Variants in RYR3 observed in about 807,000 individuals in gnomAD.
RYR3 encodes the protein ryanodine receptor 3.
A neutral mutation model predicts 584.3 loss-of-function variants in RYR3; 207 were observed. The observed-to-expected ratio is 0.35, with a 90% confidence interval of 0.32 to 0.40. RYR3 has a LOEUF of 0.40. Ranked by LOEUF, RYR3 falls within the 10% of genes least tolerant of loss-of-function variation. The pLI is 1.00. For missense variants in RYR3, 5,616 were observed against 6,089.2 expected (o/e 0.92, Z 2.59); for synonymous variants, 2,416 against 2,248.5 (o/e 1.07, Z -2.11).
chr15:33,809,490 G>T (rs1209722172), intron 70 of RYR3, among the ~76,000 whole-genome samples: 2 of 152,048 alleles, frequency 1.3e-5, no homozygotes, highest in African/African-American at 4.8e-5. Context: ...TCACCGCCTT[G>T]TTTCCTTGAG....
rs552118691 is a variant in RYR3, at chr15:33,435,333, T to A, written c.52-38086T>A. 2.2e-3 allele frequency among the ~76,000 whole-genome samples: 323 copies of A among 149,956 alleles called. 1 individual carries two copies. Among genetic ancestry groups the A allele is most frequent in the African/African-American group, 7.3e-3 (290 of 39,458 alleles). ...ATTTTTCTGGAACTACTTTTGTTAA[T>A]GTTGTGAGTTTCACGTATAGTGATA... On this transcript the variant is annotated intron_variant, in intron 1 of 103. Coordinates refer to ENST00000634891, the MANE Select transcript of RYR3 (RefSeq NM_001036.6).
At chr15:33,464,265 T>A (rs1409986609) in intron 1 of RYR3, among the ~76,000 whole-genome samples, 1 of 151,552 alleles carries the variant, frequency 6.6e-6, no homozygotes, top group Non-Finnish European at 1.5e-5. Flanking sequence ...AAGGCAACAT[T>A]TGAGCAGACA....
chr15:33,372,401 G>A (rs1332516479), intron 1 of RYR3, among the ~76,000 whole-genome samples: 2 of 117,890 alleles, frequency 1.7e-5, no homozygotes, highest in Non-Finnish European at 3.2e-5. Context: ...GAGTCTCACT[G>A]TCTCCCAGGC....
At chr15:33,608,570 C>G (rs1230223943) in intron 18 of RYR3, among the ~76,000 whole-genome samples, 2 of 152,198 alleles carry the variant, frequency 1.3e-5, no homozygotes, top group African/African-American at 2.4e-5. Context: ...GAGATGGGCT[C>G]TCTTATCCAA....
chr15:33,607,112 A>G (rs2059946597), intron 18 of RYR3, among the ~76,000 whole-genome samples: 1 of 152,134 alleles, frequency 6.6e-6, no homozygotes, highest in Admixed American at 6.5e-5. Flanking sequence ...GCTGCAGAAG[A>G]GCAGCGCTTT....
At chr15:33,858,187 T>C (rs2079906827) in intron 99 of RYR3, 1 of 390,018 alleles carries the variant, frequency 2.6e-6, no homozygotes, top group African/African-American at 2.0e-5. Context: ...TTCATCTATT[T>C]CCGGGGTAAA....
chr15:33,663,403 T>C (rs2063283257), intron 35 of RYR3, 134 bp from the exon 36 acceptor site: 1 of 722,610 alleles, frequency 1.4e-6, no homozygotes, highest in East Asian at 2.7e-5. Flanking sequence ...TGGTGAAGAT[T>C]TGAGTAACAG....
intron 96 of RYR3, 130 bp from the exon 97 acceptor site, chr15:33,854,258 AC>A: frequency 1.4e-6 from 1 of 707,192 alleles, no homozygotes; most frequent in Non-Finnish European, 2.4e-6. Flanking sequence ...GGGAGCACAT[AC>A]AACTTGATAA....
intron 43 of RYR3, among the ~76,000 whole-genome samples, chr15:33,709,706 C>G (rs948366119): frequency 6.6e-6 from 1 of 152,212 alleles, no homozygotes; most frequent in Non-Finnish European, 1.5e-5. Flanking sequence ...TGATCTTGGA[C>G]TTCTCAGCCT....
intron 101 of RYR3, 78 bp from the exon 102 acceptor site, chr15:33,861,000 T>G (rs1887992987): frequency 8.9e-7 from 1 of 1,123,662 alleles, no homozygotes. Flanking sequence ...TATCCTTCAA[T>G]TCGATAGAAT....
Position 33,663,704 on chromosome 15 carries a change from G to A in RYR3, c.5586G>A (p.Lys1862=), listed in dbSNP as rs1391352104. ...LNMSAALTAR[K]TKEFRSPPQE... is the part of the protein sequence containing the mutation. ...TGTCTGCGGCCCTGACTGCCCGGAAGACCAAGGAGTTCCGCTCACCCCCAC... is the reference window on the plus strand; with the variant it reads ...TGTCTGCGGCCCTGACTGCCCGGAAAACCAAGGAGTTCCGCTCACCCCCAC... The change falls in exon 36 of 104, where the codon AAG becomes AAA. Residue 1862 remains lysine (K), a synonymous_variant. Transcript: ENST00000634891. The A allele has an allele frequency of 3.1e-6, 5 of 1,610,560 alleles. No homozygotes were observed. The South Asian group carries it at 5.5e-5, about 18-fold the overall frequency.
At chr15:33,696,777 G>A (rs1422016040) in intron 39 of RYR3, among the ~76,000 whole-genome samples, 1 of 152,162 alleles carries the variant, frequency 6.6e-6, no homozygotes, top group Non-Finnish European at 1.5e-5. Flanking sequence ...TGGAGGAAGG[G>A]ACGGTGTGTT....
chr15:33,808,910 A>G (rs2076353821), intron 70 of RYR3, among the ~76,000 whole-genome samples: 1 of 152,112 alleles, frequency 6.6e-6, no homozygotes, highest in African/African-American at 2.4e-5. Context: ...CCCTGCAACA[A>G]TAGAATTTTC....
rs529945301 is a variant in RYR3 at position 33,849,823 on chromosome 15, TC to T, written c.13628+1403del. ...ACTAAGGATATTTATTTCTTTATAT[TC>T]TCCAGAAAAGGAAGCCTCTTCCCTT... On this transcript the variant is annotated intron_variant, in intron 94 of 103. Coordinates refer to ENST00000634891, the MANE Select transcript of RYR3 (RefSeq NM_001036.6). 1.1e-4 allele frequency: 16 copies of T among 152,250 alleles called. No individual in the cohort carries two copies. The South Asian group carries it at 2.9e-3, about 28-fold the overall frequency. 9.4% of individuals were successfully genotyped at this position (152,250 alleles called of 1,614,324 possible).
In RYR3 at chr15:33,861,112, A is replaced by G; in HGVS notation, c.14399A>G (p.Tyr4800Cys). The change falls in exon 102 of 104, where the codon TAC becomes TGC. Residue 4800 changes from tyrosine to cysteine, a missense_variant. By Grantham distance (194) the Tyr-to-Cys change is radical. Transcript: ENST00000634891. ...TTCATCTGTGGGATTGGCAATGACT[A>G]CTTTGACACAACCCCTCATGGTTTT... The part of the protein sequence containing the change: ...KCFICGIGND[Y>C]FDTTPHGFET... 6.3e-7 allele frequency: 1 copy of G among 1,596,858 alleles called. No homozygotes were observed. The highest frequency in any genetic ancestry group is 1.1e-5 in the South Asian group (1 of 87,900).
intron 34 of RYR3, among the ~76,000 whole-genome samples, chr15:33,661,619 G>A (rs538222695): frequency 1.3e-5 from 2 of 152,206 alleles, no homozygotes; most frequent in South Asian, 4.2e-4. Flanking sequence ...TCAGGCGTTA[G>A]ATTCTTATAA....
intron 34 of RYR3, 66 bp downstream of exon 34, chr15:33,660,489 C>A: frequency 8.9e-7 from 1 of 1,123,290 alleles, no homozygotes; most frequent in Non-Finnish European, 1.3e-6. Context: ...CCAAGCCAGC[C>A]CAGAAGGAAA....
At position 33,738,455 on chromosome 15, in the gene RYR3, G is replaced by C. The variant is rs1366540518; in HGVS notation, c.7521G>C (p.Leu2507=). 1.9e-6 allele frequency: 3 copies of C among 1,612,830 alleles called. No homozygotes were observed. The highest frequency in any genetic ancestry group is 3.3e-5 in the Admixed American group (2 of 59,848). The change falls in exon 50 of 104, where the codon CTG becomes CTC. Residue 2507 remains leucine, a synonymous_variant. Coordinates refer to ENST00000634891, the MANE Select transcript of RYR3 (RefSeq NM_001036.6). ...NEYCKMPLKL[L]TNHYEQCWKY... ...TCCTGTTCTGCACCTCCCAGCTTCT[G>C]ACGAATCACTATGAACAGTGTTGGA...
intron 1 of RYR3, among the ~76,000 whole-genome samples, chr15:33,401,114 T>TC (rs956345583): frequency 6.6e-6 from 1 of 152,084 alleles, no homozygotes; most frequent in Admixed American, 6.5e-5. Flanking sequence ...ATGGGAAGTG[T>TC]CCCCCTTGAG....
Sources: gnomAD v4.1 joint callset for allele counts (sites outside exome capture counted in the v4.1 genomes callset) on GRCh38, gnomAD v4.1.1 for gene constraint, MANE v1.5 for transcripts, NCBI Gene and HGNC (gene_info 2026-07-23, HGNC 2026-07-21) for gene names.